The following SOX6 variants were observed in gnomAD, a reference collection of about 807,000 sequenced individuals.
SOX6 encodes SRY-box transcription factor 6, also known as transcription factor SOX-6.
In SOX6, 11 loss-of-function variants were observed where a neutral mutation model predicts 97.8. The observed-to-expected ratio is 0.11, with a 90% CI of 0.07 to 0.19. The LOEUF (loss-of-function observed/expected upper bound fraction) is 0.19. Among genes scored for constraint, SOX6 ranks in the 10% least tolerant of loss-of-function variants. The pLI, the probability that SOX6 is intolerant of heterozygous loss-of-function variation, is 1.00. For synonymous variants in SOX6, 360 were observed against 371.4 expected, an observed-to-expected ratio of 0.97 and a Z score of 0.35; for missense variants, 810 against 1,039.5, an observed-to-expected ratio of 0.78 and a Z score of 3.04.
chr11:16,227,462 C>T (rs1852720017), intron 4 of SOX6, among the ~76,000 whole-genome samples: 1 of 151,738 alleles, frequency 6.6e-6, no homozygotes, highest in African/African-American at 2.4e-5. Context: ...AAGACAGGGT[C>T]TCACTCTGTT....
At position 16,572,869 on chromosome 11, in the gene SOX6, G is replaced by A. The variant is rs537757002; in HGVS notation, n.609+39212C>T. Among the ~76,000 whole-genome samples, 107 of 152,252 alleles carry A rather than the reference G, an allele frequency of 7.0e-4. 2 individuals are homozygous for A. In the South Asian group the frequency reaches 0.021, roughly 30 times the overall value. On this transcript the variant is annotated intron_variant and non_coding_transcript_variant, in intron 4 of 5. Transcript: ENST00000524520. ...TTTGTACTTGTTGAAGAAATAAAAG[G>A]TAATAGAATTTGGCTTAAACAAGCA...
chr11:16,134,219 A>G (rs1246329560), intron 6 of SOX6, among the ~76,000 whole-genome samples: 1 of 152,216 alleles, frequency 6.6e-6, no homozygotes, highest in African/African-American at 2.4e-5. Flanking sequence ...TCAGGCAGCT[A>G]TTAAGGGGAT....
At chr11:16,730,047 T>C (rs1020289978) in intron 2 of SOX6, among the ~76,000 whole-genome samples, 1 of 149,514 alleles carries the variant, frequency 6.7e-6, no homozygotes, top group African/African-American at 2.4e-5. Flanking sequence ...TATATATATA[T>C]ATCCTAAATA....
chr11:16,721,552 T>TCTCTCTC (rs1848264385), intron 2 of SOX6, among the ~76,000 whole-genome samples: 1 of 2,134 alleles, frequency 4.7e-4, no homozygotes, highest in Non-Finnish European at 7.7e-4. Flanking sequence ...CTCTCTCTCT[T>TCTCTCTC]CCCCCCCCTC....
rs546237638 is a variant in SOX6 at position 16,435,359 on chromosome 11, T to C, written c.-5+40956A>G. ...TGCAAATTCCGAATTATCTTTAAAT[T>C]GTCTTCACATAATGATATAAATATA... On this transcript the variant is annotated intron_variant, in intron 1 of 15. Transcript: ENST00000396356. Among the ~76,000 whole-genome samples the C allele has an allele frequency of 4.0e-4, 61 of 152,198 alleles. 1 individual carries two copies. Among genetic ancestry groups the C allele is most frequent in the Non-Finnish European group, 7.2e-4 (49 of 68,038 alleles).
intron 3 of SOX6, among the ~76,000 whole-genome samples, chr11:16,251,902 A>G (rs113688100): frequency 3.1e-3 from 466 of 152,302 alleles, no homozygotes; most frequent in Non-Finnish European, 5.1e-3. Flanking sequence ...ACCAATCAAT[A>G]TAACATAATA....
intron 9 of SOX6, among the ~76,000 whole-genome samples, chr11:16,058,603 C>T (rs1847874874): frequency 1.3e-5 from 2 of 151,916 alleles, no homozygotes; most frequent in Admixed American, 6.6e-5. Flanking sequence ...TTAGACTAGA[C>T]CATTTTCTTG....
At chr11:16,052,729 G>A (rs1847716497) in intron 10 of SOX6, among the ~76,000 whole-genome samples, 1 of 152,076 alleles carries the variant, frequency 6.6e-6, no homozygotes, top group Non-Finnish European at 1.5e-5. Flanking sequence ...TTTATTCTGA[G>A]ACACAGAACA....
chr11:16,685,219 T>A (rs1048110658), intron 3 of SOX6, among the ~76,000 whole-genome samples: 1 of 152,008 alleles, frequency 6.6e-6, no homozygotes, highest in African/African-American at 2.4e-5. Flanking sequence ...TAAAAATAAA[T>A]TAAAAAAAAT....
intron 12 of SOX6, among the ~76,000 whole-genome samples, chr11:16,019,329 CT>C (rs1477540981): frequency 1.4e-4 from 22 of 152,034 alleles, no homozygotes; most frequent in Admixed American, 1.4e-3. Context: ...TTCCAATGGT[CT>C]GAATGAGAGG....
chr11:16,526,458 G>GA (rs1442628413), intron 4 of SOX6, among the ~76,000 whole-genome samples: 1 of 150,734 alleles, frequency 6.6e-6, no homozygotes, highest in Non-Finnish European at 1.5e-5. Flanking sequence ...ACAGGAAGGG[G>GA]AACATCACAC....
At chr11:16,058,034 AC>A (rs1182704558) in intron 9 of SOX6, among the ~76,000 whole-genome samples, 1 of 151,948 alleles carries the variant, frequency 6.6e-6, no homozygotes, top group Non-Finnish European at 1.5e-5. Context: ...ATTCTAGGAA[AC>A]TTTTTTGATG....
intron 4 of SOX6, among the ~76,000 whole-genome samples, chr11:16,209,619 G>A (rs944403040): frequency 9.9e-5 from 15 of 152,128 alleles, no homozygotes; most frequent in Non-Finnish European, 1.8e-4. Context: ...GCTGGGCGTG[G>A]TGGTGAGTGC....
intron 3 of SOX6, among the ~76,000 whole-genome samples, chr11:16,634,566 A>G (rs1461479899): frequency 3.3e-5 from 5 of 152,348 alleles, no homozygotes; most frequent in African/African-American, 1.2e-4. Context: ...AATGTAGCTT[A>G]CTAGGTTTTA....
At chr11:16,591,826 A>G (rs1198824791) in intron 4 of SOX6, among the ~76,000 whole-genome samples, 2 of 152,136 alleles carry the variant, frequency 1.3e-5, no homozygotes, top group Admixed American at 6.6e-5. Context: ...TGTGCAATCA[A>G]TGATGTTCTT....
intron 3 of SOX6, among the ~76,000 whole-genome samples, chr11:16,696,844 C>A (rs1848057388): frequency 6.6e-6 from 1 of 152,150 alleles, no homozygotes; most frequent in Non-Finnish European, 1.5e-5. Flanking sequence ...ATTGACTCTC[C>A]TTTCATGAAA....
chr11:16,448,029 G>A (rs149051158), intron 1 of SOX6, among the ~76,000 whole-genome samples: 84 of 152,304 alleles, frequency 5.5e-4, no homozygotes, highest in Non-Finnish European at 1.1e-3. Flanking sequence ...CAACAGCACA[G>A]ATGTAATTTG....
intron 3 of SOX6, among the ~76,000 whole-genome samples, chr11:16,676,068 C>T (rs1044903579): frequency 6.6e-6 from 1 of 152,134 alleles, no homozygotes; most frequent in African/African-American, 2.4e-5. Flanking sequence ...AACAGTCCCA[C>T]AGGTTTCTGA....
chr11:16,284,734 C>A (rs952485235), intron 3 of SOX6, among the ~76,000 whole-genome samples: 4 of 152,062 alleles, frequency 2.6e-5, no homozygotes, highest in African/African-American at 9.7e-5. Flanking sequence ...TAGAAACCCA[C>A]GTATGTCAGT....
Sources: allele counts gnomAD v4.1 joint callset (sites outside exome capture counted in the v4.1 genomes callset), GRCh38; gene constraint gnomAD v4.1.1; transcripts MANE v1.5; gene names NCBI Gene and HGNC (gene_info 2026-07-23, HGNC 2026-07-21).